Variants in JADE3 observed in about 807,000 individuals in gnomAD.
JADE3 encodes protein Jade-3.
JADE3 carries 2 observed loss-of-function variants against 50.1 expected under a neutral mutation model. The observed-to-expected ratio is 0.04, with a 90% CI of 0.02 to 0.13. The LOEUF (loss-of-function observed/expected upper bound fraction) is 0.13, where lower values mean the gene tolerates loss of function less well. JADE3 is among the 10% of genes least tolerant of loss of function. The probability of loss-of-function intolerance (pLI) is 1.00; values close to 1 mark genes in which losing one functional copy is unlikely to be tolerated. For missense variants in JADE3, 475 were observed against 634.4 expected (o/e 0.75, Z 2.70); for synonymous variants, 218 against 232.9 (o/e 0.94, Z 0.58).
chrX:47,055,112 A>G (rs1240995990), intron 9 of JADE3, among the ~76,000 whole-genome samples: 4 of 110,828 alleles, frequency 3.6e-5, no homozygotes, highest in Admixed American at 9.6e-5. Flanking sequence ...TACCCACTAG[A>G]TGCCAGTAGC....
At chrX:46,971,505 C>T (rs1927490872) in intron 1 of JADE3, among the ~76,000 whole-genome samples, 1 of 109,585 alleles carries the variant, frequency 9.1e-6, no homozygotes, top group African/African-American at 3.3e-5. Flanking sequence ...CTTCAAAAGA[C>T]ATAAAGCAGG....
At chrX:46,987,123 AG>A (rs1418323968) in intron 3 of JADE3, among the ~76,000 whole-genome samples, 1 of 112,096 alleles carries the variant, frequency 8.9e-6, no homozygotes, top group Non-Finnish European at 1.9e-5. Flanking sequence ...CTCATGTTGT[AG>A]GCAGAATTTG....
intron 1 of JADE3, among the ~76,000 whole-genome samples, chrX:46,932,855 A>G (rs782710406): frequency 3.6e-5 from 4 of 111,950 alleles, no homozygotes; most frequent in Non-Finnish European, 7.5e-5. Flanking sequence ...TGTTCTGTCT[A>G]TAAGCTGAGA....
At chrX:46,930,304 G>T (rs926985560) in intron 1 of JADE3, among the ~76,000 whole-genome samples, 2 of 111,998 alleles carry the variant, frequency 1.8e-5, no homozygotes, top group East Asian at 5.6e-4. Context: ...AGATATGTGA[G>T]TGAAGCCATC....
At chrX:47,038,362 T>A (rs971504239) in intron 7 of JADE3, among the ~76,000 whole-genome samples, 3 of 111,272 alleles carry the variant, frequency 2.7e-5, no homozygotes, top group Non-Finnish European at 5.7e-5. Context: ...GTGTTTTTTT[T>A]AGAATCCTCC....
chrX:46,938,718 C>G (rs1926687852), intron 1 of JADE3, among the ~76,000 whole-genome samples: 1 of 112,518 alleles, frequency 8.9e-6, no homozygotes, highest in South Asian at 3.6e-4. Flanking sequence ...AGTAGGTCTG[C>G]TGGCTATAAA....
At chrX:46,947,485 T>G (rs1350737087) in intron 1 of JADE3, among the ~76,000 whole-genome samples, 1 of 111,606 alleles carries the variant, frequency 9.0e-6, no homozygotes, top group African/African-American at 3.3e-5. Flanking sequence ...TTTTTAGTCT[T>G]TTTCCATCCT....
intron 1 of JADE3, among the ~76,000 whole-genome samples, chrX:46,915,942 T>C (rs1926075187): frequency 9.0e-6 from 1 of 111,618 alleles, no homozygotes; most frequent in Admixed American, 9.5e-5. Context: ...GCAAATAATT[T>C]AATCTTTGCC....
intron 1 of JADE3, among the ~76,000 whole-genome samples, chrX:46,965,324 A>G (rs782722595): frequency 9.0e-6 from 1 of 111,662 alleles, no homozygotes; most frequent in Non-Finnish European, 1.9e-5. Flanking sequence ...GAGCAGAGAG[A>G]GACTTAGGAC....
At chrX:46,937,849 T>C (rs1926667315) in intron 1 of JADE3, among the ~76,000 whole-genome samples, 1 of 111,014 alleles carries the variant, frequency 9.0e-6, no homozygotes, top group Non-Finnish European at 1.9e-5. Flanking sequence ...GGCATGGTGG[T>C]GGGCGCCTAT....
chrX:47,054,456 C>T lies in JADE3; in HGVS notation c.1271C>T (p.Thr424Met). 4 of 1,211,034 alleles carry T rather than the reference C, an allele frequency of 3.3e-6. No individual in the cohort carries two copies. Among genetic ancestry groups the T allele is most frequent in the South Asian group, 1.8e-5 (1 of 56,973 alleles). ...EDVAAELGMPTLAVDFIYNYW... is the reference protein window; with the variant it reads ...EDVAAELGMPMLAVDFIYNYW... ...GTGGCCGCAGAGCTGGGTATGCCCA[C>T]GCTAGCTGTGGACTTTATCTATAAC... Residue 424 changes from threonine to methionine, a missense_variant, in exon 9 of 11, where the codon ACG becomes ATG. Thr to Met is a moderately conservative substitution (Grantham distance 81). Around this residue, in one of 6 missense-constraint regions of JADE3, gnomAD observed 81 missense variants for 123.8 expected, o/e 0.65. Coordinates refer to ENST00000614628, the MANE Select transcript of JADE3 (RefSeq NM_014735.5).
chrX:46,994,039 T>A (rs1023198848), intron 3 of JADE3, among the ~76,000 whole-genome samples: 3 of 112,177 alleles, frequency 2.7e-5, no homozygotes, highest in Non-Finnish European at 5.6e-5. Flanking sequence ...CTCTCTGCTT[T>A]ATTCACACGG....
intron 1 of JADE3, among the ~76,000 whole-genome samples, chrX:46,917,853 C>CA (rs1926131131): frequency 1.1e-5 from 1 of 88,474 alleles, no homozygotes; most frequent in African/African-American, 4.5e-5. Flanking sequence ...CTCTCTCTCT[C>CA]TCATCCTCTC....
chrX:46,916,381 AG>A (rs1399547871), intron 1 of JADE3, among the ~76,000 whole-genome samples: 1 of 111,730 alleles, frequency 9.0e-6, no homozygotes, highest in Non-Finnish European at 1.9e-5. Context: ...GTACTTATCA[AG>A]GGCATCCTGT....
intron 3 of JADE3, among the ~76,000 whole-genome samples, chrX:46,991,095 CTTTCTTTT>C (rs1379137486): frequency 1.3e-5 from 1 of 76,715 alleles, no homozygotes; most frequent in Non-Finnish European, 2.5e-5. Flanking sequence ...CACTTTCTTT[CTTTCTTTT>C]GGCAGAGTTT....
chrX:47,029,819 T>C (rs1471422374), intron 6 of JADE3, among the ~76,000 whole-genome samples: 1 of 111,819 alleles, frequency 8.9e-6, no homozygotes, highest in African/African-American at 3.2e-5. Flanking sequence ...ACTTAAGTAT[T>C]ATATCTCACA....
At chrX:47,027,150 C>T (rs1928924728) in intron 5 of JADE3, among the ~76,000 whole-genome samples, 1 of 111,798 alleles carries the variant, frequency 8.9e-6, no homozygotes, top group Admixed American at 9.5e-5. Flanking sequence ...AGAATAAATA[C>T]ATAAGTGCTG....
chrX:47,051,319 G>A (rs1305594076), intron 8 of JADE3, among the ~76,000 whole-genome samples: 3 of 112,217 alleles, frequency 2.7e-5, no homozygotes, highest in African/African-American at 9.7e-5. Context: ...CCTCTTAGGT[G>A]TTGAATTTCT....
rs782698368 is a variant in JADE3 at position 46,968,203 on chromosome X, A to T, written c.-11-16681A>T. On this transcript the variant is annotated intron_variant, in intron 1 of 10. Transcript: ENST00000614628. The stretch of plus-strand genomic sequence containing the variant: ...TCCAGATATGTAGGAACATTAATAA[A>T]CTGCTCTTTTTATCATATACTTGCT... Among the ~76,000 whole-genome samples, 11 of 111,948 alleles carry T rather than the reference A, an allele frequency of 9.8e-5. No individual in the cohort carries two copies. The East Asian group carries it at 2.2e-3, about 23-fold the overall frequency.
Sources: allele counts gnomAD v4.1 joint callset (sites outside exome capture counted in the v4.1 genomes callset), GRCh38; gene constraint gnomAD v4.1.1; regional missense constraint gnomAD v4.1.1; transcripts MANE v1.5; gene names NCBI Gene and HGNC (gene_info 2026-07-23, HGNC 2026-07-21).